Variants in CCDC102B observed in about 807,000 individuals in gnomAD.
The protein encoded by CCDC102B is coiled-coil domain containing 102B.
A neutral mutation model predicts 57.4 loss-of-function variants in CCDC102B; 75 were observed. The observed-to-expected ratio is 1.31, with a 90% CI of 1.08 to 1.58. CCDC102B has a LOEUF of 1.58. CCDC102B is among the 40% of genes most tolerant of loss of function. The probability of loss-of-function intolerance (pLI) is 0.00; values close to 1 mark genes in which losing one functional copy is unlikely to be tolerated. For synonymous variants in CCDC102B, 206 were observed against 201.9 expected, an observed-to-expected ratio of 1.02 and a Z score of -0.17; for missense variants, 636 against 582.6, an observed-to-expected ratio of 1.09 and a Z score of -0.94.
At chr18:69,021,325 C>T (rs2051826646) in intron 7 of CCDC102B, among the ~76,000 whole-genome samples, 1 of 152,078 alleles carries the variant, frequency 6.6e-6, no homozygotes, top group Non-Finnish European at 1.5e-5. Flanking sequence ...TCACTTTTAT[C>T]TATGAAAAAG....
At chr18:68,857,338 ATT>A (rs1429628011) in intron 4 of CCDC102B, among the ~76,000 whole-genome samples, 1 of 84,468 alleles carries the variant, frequency 1.2e-5, no homozygotes, top group Admixed American at 1.8e-4. Flanking sequence ...TAAAATATAT[ATT>A]TATATATTAT....
intron 6 of CCDC102B, among the ~76,000 whole-genome samples, chr18:68,922,739 C>T (rs1007039690): frequency 2.6e-5 from 4 of 152,054 alleles, no homozygotes; most frequent in African/African-American, 9.7e-5. Flanking sequence ...CATTCCTCAC[C>T]TGTACCCAGA....
chr18:68,971,843 TA>T (rs139653166), intron 6 of CCDC102B, among the ~76,000 whole-genome samples: 3,680 of 152,224 alleles, frequency 0.024, 116 homozygotes, highest in East Asian at 0.15. Flanking sequence ...ACTTATCTAT[TA>T]AAATACATAT....
intron 1 of CCDC102B, among the ~76,000 whole-genome samples, chr18:68,827,495 T>C (rs935068957): frequency 6.6e-6 from 1 of 151,890 alleles, no homozygotes; most frequent in Non-Finnish European, 1.5e-5. Flanking sequence ...TACAAAGTGA[T>C]AAACTAAAAA....
intron 5 of CCDC102B, among the ~76,000 whole-genome samples, chr18:68,877,718 G>A (rs564047751): frequency 2.6e-5 from 4 of 152,150 alleles, no homozygotes; most frequent in East Asian, 3.9e-4. Context: ...ATCATCAAAC[G>A]TTTTCCTTAG....
At chr18:68,911,291 T>C (rs1026104023) in intron 6 of CCDC102B, among the ~76,000 whole-genome samples, 1 of 152,106 alleles carries the variant, frequency 6.6e-6, no homozygotes, top group African/African-American at 2.4e-5. Flanking sequence ...TGCAGGCACA[T>C]GAATAGTGTG....
intron 2 of CCDC102B, among the ~76,000 whole-genome samples, chr18:68,765,378 A>AAAGAAAGAAAGG (rs1568239061): frequency 4.5e-5 from 6 of 132,610 alleles, no homozygotes; most frequent in African/African-American, 1.4e-4. Context: ...AGAAAGAAAG[A>AAAGAAAGAAAGG]AAAGAAAGAA....
intron 2 of CCDC102B, chr18:68,721,551 T>C (rs2032331066): frequency 6.6e-6 from 1 of 152,176 alleles, no homozygotes; most frequent in Admixed American, 6.5e-5. Flanking sequence ...AAAATAAGAT[T>C]CCTGACTCAT....
chr18:69,016,316 C>A (rs192881393), intron 7 of CCDC102B, among the ~76,000 whole-genome samples: 1 of 151,982 alleles, frequency 6.6e-6, no homozygotes, highest in African/African-American at 2.4e-5. Context: ...GAAAAAGGAA[C>A]CTAAACTGAA....
intron 6 of CCDC102B, among the ~76,000 whole-genome samples, chr18:68,979,014 A>G (rs2050509030): frequency 6.6e-6 from 1 of 152,062 alleles, no homozygotes; most frequent in Non-Finnish European, 1.5e-5. Context: ...TTCAAAAACA[A>G]GTGAAACTGA....
intron 6 of CCDC102B, among the ~76,000 whole-genome samples, chr18:69,006,657 G>A (rs1401585221): frequency 2.0e-5 from 3 of 149,618 alleles, no homozygotes; most frequent in African/African-American, 7.5e-5. Flanking sequence ...TGACCAGGCT[G>A]GTCTCAAACT....
intron 1 of CCDC102B, among the ~76,000 whole-genome samples, chr18:68,812,496 T>C (rs978021302): frequency 5.3e-5 from 8 of 152,160 alleles, no homozygotes; most frequent in Non-Finnish European, 7.4e-5. Flanking sequence ...CTTTAAGTAA[T>C]AGAAAAGCAT....
rs894637233 is a variant in CCDC102B at position 68,950,209 on chromosome 18, A to G, written c.1263+52781A>G. ...TGGAATATTTTTATCTGATGTAAATATGAGAAAGTGTTGCAAACCCTAGAA... is the reference window on the plus strand; with the variant it reads ...TGGAATATTTTTATCTGATGTAAATGTGAGAAAGTGTTGCAAACCCTAGAA... On this transcript the variant is annotated intron_variant, in intron 6 of 7. Coordinates refer to ENST00000360242, the MANE Select transcript of CCDC102B (RefSeq NM_024781.3). Among the ~76,000 whole-genome samples the G allele has an allele frequency of 2.6e-5, 4 of 152,252 alleles. No homozygotes were observed. The South Asian group carries it at 8.3e-4, about 32-fold the overall frequency.
intron 1 of CCDC102B, among the ~76,000 whole-genome samples, chr18:68,804,557 C>A (rs769189684): frequency 5.9e-5 from 9 of 152,086 alleles, no homozygotes; most frequent in Non-Finnish European, 1.3e-4. Flanking sequence ...GAATGTGGGG[C>A]AGCTACCAGG....
At chr18:69,056,897 A>G (rs2145511591), downstream of CCDC102B, among the ~76,000 whole-genome samples, 1 of 152,114 alleles carries the variant, frequency 6.6e-6, no homozygotes, top group South Asian at 2.1e-4. Flanking sequence ...ATGCCCATTA[A>G]ACAACTCCCC....
At chr18:68,859,033 A>G (rs1376539388) in intron 4 of CCDC102B, 1 of 152,462 alleles carries the variant, frequency 6.6e-6, no homozygotes, top group Non-Finnish European at 1.5e-5. Flanking sequence ...GAAGCGTTCC[A>G]TATTTTTCTT....
chr18:68,938,232 C>A (rs1358779858), intron 6 of CCDC102B, among the ~76,000 whole-genome samples: 1 of 151,960 alleles, frequency 6.6e-6, no homozygotes, highest in Non-Finnish European at 1.5e-5. Context: ...TAAGGACATA[C>A]AAAATGTATC....
At chr18:69,024,548 T>C (rs977530668) in intron 7 of CCDC102B, among the ~76,000 whole-genome samples, 6 of 152,088 alleles carry the variant, frequency 3.9e-5, no homozygotes, top group African/African-American at 1.4e-4. Context: ...ATTTGATGCA[T>C]TTCACACTTA....
chr18:68,978,489 A>C (rs1233117541), intron 6 of CCDC102B, among the ~76,000 whole-genome samples: 1 of 152,040 alleles, frequency 6.6e-6, no homozygotes, highest in Non-Finnish European at 1.5e-5. Flanking sequence ...GTGTCAAAAT[A>C]TATTGATTTA....
Sources: gnomAD v4.1 joint callset for allele counts (sites outside exome capture counted in the v4.1 genomes callset) on GRCh38, gnomAD v4.1.1 for gene constraint, MANE v1.5 for transcripts, NCBI Gene and HGNC (gene_info 2026-07-23, HGNC 2026-07-21) for gene names.